Variants in NCLN observed in about 807,000 individuals in gnomAD.
The protein encoded by NCLN is nicalin, also known as BOS complex subunit NCLN.
A neutral mutation model predicts 69.5 loss-of-function variants in NCLN; 34 were observed. The ratio of observed to expected loss-of-function variants is 0.49; its 90% confidence interval spans 0.37 to 0.65. NCLN has a LOEUF of 0.65. Among genes scored for constraint, NCLN ranks in the 30% least tolerant of loss-of-function variants. The pLI is 0.00. For synonymous variants in NCLN, 393 were observed against 358.3 expected (o/e 1.10, Z -1.09); for missense variants, 710 against 804.8 (o/e 0.88, Z 1.42).
At position 3,185,950 on chromosome 19, in the gene NCLN, T is replaced by A; in HGVS notation, c.-81T>A. The A allele has an allele frequency of 1.7e-6, 2 of 1,165,484 alleles. No homozygotes were observed. Among genetic ancestry groups the A allele is most frequent in the Non-Finnish European group, 2.2e-6 (2 of 902,604 alleles). The allele number at this position is 1,165,484 out of a possible 1,614,324, so 72.2% of individuals were successfully genotyped here. A position where few individuals can be genotyped will look rare whatever the true frequency, so the allele number is the denominator to read the frequency against. On this transcript the variant is annotated 5_prime_UTR_variant, in exon 1 of 15. It removes an upstream start codon present in the reference 5' UTR. Coordinates refer to ENST00000246117, the MANE Select transcript of NCLN (RefSeq NM_020170.4). Reference sequence around the variant, plus strand: ...CCCGCAGGACCCCGGCGGCTACCCATGCCGAGGTGAGTCCGCGGGAGCCGC... The same window carrying A: ...CCCGCAGGACCCCGGCGGCTACCCAAGCCGAGGTGAGTCCGCGGGAGCCGC...
rs912511170 is a variant in NCLN at position 3,207,788 on chromosome 19, CA to C, written c.*101del. The stretch of plus-strand genomic sequence containing the variant: ...CCCGCCGCGGGCGGCCCTGCAGGGA[CA>C]GGGGCCCTCTCCCTCCCCGGCGGTG... On this transcript the variant is annotated 3_prime_UTR_variant, in exon 15 of 15. Transcript: ENST00000246117. 3 of 976,882 alleles carry C rather than the reference CA, an allele frequency of 3.1e-6. No homozygotes were observed. Among genetic ancestry groups the C allele is most frequent in the African/African-American group, 3.2e-5 (2 of 62,068 alleles). The allele number at this position is 976,882 out of a possible 1,614,324, so 60.5% of individuals were successfully genotyped here.
chr19:3,195,727 G>C (rs2144903760), intron 3 of NCLN, among the ~76,000 whole-genome samples: 1 of 152,206 alleles, frequency 6.6e-6, no homozygotes, highest in South Asian at 2.1e-4. Flanking sequence ...GGAGGTAGAG[G>C]CTGCAGTGAG....
chr19:3,189,535 T>C (rs986378131), intron 1 of NCLN, among the ~76,000 whole-genome samples: 2 of 152,204 alleles, frequency 1.3e-5, no homozygotes, highest in Non-Finnish European at 2.9e-5. Context: ...CCCCGATAGA[T>C]AGACAGGTGC....
rs1915665032 is a variant in NCLN, at chr19:3,186,196, C to T, written c.166C>T (p.Leu56=). 6 of 1,568,174 alleles carry T rather than the reference C, an allele frequency of 3.8e-6. No individual in the cohort carries two copies. Among genetic ancestry groups the T allele is most frequent in the African/African-American group, 1.4e-5 (1 of 70,946 alleles). Residue 56 remains leucine, a synonymous_variant, in exon 1 of 15, where the codon CTG becomes TTG. Transcript: ENST00000246117. ...CGTGTACCGCATGCAGCAGTACGAC[C>T]TGCAGGGCCAGCCCTACGGTGCGTG... ...FTVYRMQQYD[L]QGQPYGTRNA...
rs1280714242 is a variant in NCLN at position 3,206,155 on chromosome 19, A to G, written c.1300A>G (p.Thr434Ala). The change falls in exon 11 of 15, where the codon ACA becomes GCA. Residue 434 changes from threonine to alanine, a missense_variant. Thr to Ala is a moderately conservative substitution (Grantham distance 58). Transcript: ENST00000246117. ...CCATCCCCTCCTCTCTCCGCAGGGG[A>G]CACCCCCAGACATGCCGGTGTTCAC... The part of the protein sequence containing the change: ...RVIYNLTEKG[T>A]PPDMPVFTEQ... 7.5e-7 allele frequency: 1 copy of G among 1,326,976 alleles called. No homozygotes were observed. Among genetic ancestry groups the G allele is most frequent in the South Asian group, 1.3e-5 (1 of 76,022 alleles). 82.2% of individuals were successfully genotyped at this position (1,326,976 alleles called of 1,614,324 possible). A position where few individuals can be genotyped will look rare whatever the true frequency, so the allele number is the denominator to read the frequency against.
chr19:3,199,782 C>T (rs1682204211), intron 5 of NCLN, among the ~76,000 whole-genome samples: 1 of 148,032 alleles, frequency 6.8e-6, no homozygotes, highest in Non-Finnish European at 1.5e-5. Context: ...CTCACTGCAA[C>T]CTCTGCCTCC....
Position 3,206,377 on chromosome 19 carries a change from G to A in NCLN, c.1451G>A (p.Ser484Asn), listed in dbSNP as rs1184527677. ...TFLSTLEHHLSRYLKDVKQHH... is the reference protein window; with the variant it reads ...TFLSTLEHHLNRYLKDVKQHH... ...CTCAGCACGCTGGAGCACCACCTGA[G>A]CCGCTACCTGAAGGACGTGAAGCAG... The change falls in exon 12 of 15, where the codon AGC becomes AAC. Residue 484 changes from serine (S) to asparagine (N), a missense_variant. Ser to Asn is a conservative substitution (Grantham distance 46, BLOSUM62 1). Transcript: ENST00000246117. 2 of 1,548,274 alleles carry A rather than the reference G, an allele frequency of 1.3e-6. No homozygotes were observed. Among genetic ancestry groups the A allele is most frequent in the South Asian group, 1.2e-5 (1 of 83,984 alleles).
chr19:3,196,919 A>G (rs952267529), intron 4 of NCLN, among the ~76,000 whole-genome samples: 1 of 152,208 alleles, frequency 6.6e-6, no homozygotes, highest in Non-Finnish European at 1.5e-5. Context: ...GGGTTGCCTC[A>G]CTGTCGGGGG....
intron 1 of NCLN, among the ~76,000 whole-genome samples, chr19:3,188,397 T>C: frequency 6.6e-6 from 1 of 152,168 alleles, no homozygotes; most frequent in Non-Finnish European, 1.5e-5. Flanking sequence ...TGTCTCCCCG[T>C]TCCACGGCCA....
chr19:3,203,452 C>T (rs114835275), intron 6 of NCLN, among the ~76,000 whole-genome samples: 3,603 of 152,246 alleles, frequency 0.024, 144 homozygotes, highest in African/African-American at 0.082. Flanking sequence ...CGTGGGGTGG[C>T]CCTGCTGCCT....
chr19:3,199,211 C>T (rs561912173), intron 5 of NCLN, among the ~76,000 whole-genome samples: 1 of 152,352 alleles, frequency 6.6e-6, no homozygotes, highest in East Asian at 1.9e-4. Flanking sequence ...GAGGCCTCCT[C>T]GAGGCTGTGG....
intron 3 of NCLN, among the ~76,000 whole-genome samples, chr19:3,195,653 A>G (rs1237669874): frequency 6.6e-6 from 1 of 151,908 alleles, no homozygotes; most frequent in Non-Finnish European, 1.5e-5. Context: ...GGCCAGGCAC[A>G]GTGGCTCATT....
At position 3,204,695 on chromosome 19, in the gene NCLN, G is replaced by T; in HGVS notation, c.1152G>T (p.Thr384=). The change falls in exon 9 of 15, where the codon ACG becomes ACT. Residue 384 remains threonine (T), a synonymous_variant. Transcript: ENST00000246117. The part of the protein sequence containing the change: ...RFAIRRLPAF[T]LSHLESHRDG... ...CCATCCGCCGACTGCCCGCCTTCAC[G>T]CTGTCCCACCTGGAGAGCCACCGTG... 1.2e-6 allele frequency: 2 copies of T among 1,605,234 alleles called. No individual in the cohort carries two copies. Among genetic ancestry groups the T allele is most frequent in the Non-Finnish European group, 1.7e-6 (2 of 1,176,286 alleles).
At chr19:3,200,801 G>A (rs892221) in intron 5 of NCLN, among the ~76,000 whole-genome samples, 21,974 of 151,892 alleles carry the variant, frequency 0.14, 1,813 homozygotes, top group South Asian at 0.24. Flanking sequence ...CAGCATGTGC[G>A]CATCCGTCCC....
Position 3,186,164 on chromosome 19 carries a change from A to C in NCLN, c.134A>C (p.Glu45Ala). 6.3e-7 allele frequency: 1 copy of C among 1,595,998 alleles called. No individual in the cohort carries two copies. ...PPLPAADAAH[E>A]FTVYRMQQYD... is the part of the protein sequence containing the mutation. ...CTGCCTGCCGCCGACGCCGCGCACG[A>C]GTTCACCGTGTACCGCATGCAGCAG... Residue 45 changes from glutamate to alanine, a missense_variant, in exon 1 of 15, where the codon GAG (glutamate) becomes GCG (alanine). Physicochemically the swap from Glu to Ala is moderately radical, Grantham distance 107 (BLOSUM62 -1). Coordinates refer to ENST00000246117, the MANE Select transcript of NCLN (RefSeq NM_020170.4).
intron 6 of NCLN, among the ~76,000 whole-genome samples, chr19:3,201,884 C>T (rs558627069): frequency 1.1e-4 from 17 of 152,276 alleles, no homozygotes; most frequent in Admixed American, 2.6e-4. Flanking sequence ...GTGTTAGAGA[C>T]GCCCGGTTAA....
chr19:3,201,661 G>A (rs1323053725), intron 6 of NCLN, 35 bp downstream of exon 6: 40 of 1,366,334 alleles, frequency 2.9e-5, no homozygotes, highest in Non-Finnish European at 3.7e-5. Context: ...ATGGGGGTGC[G>A]GGGGCCACAC....
At chr19:3,194,245 C>T (rs527453) in intron 3 of NCLN, among the ~76,000 whole-genome samples, 77,573 of 151,992 alleles carry the variant, frequency 0.51, 20,499 homozygotes, top group East Asian at 0.91. Flanking sequence ...TAGCCGGGCG[C>T]GGTGGCAGGT....
chr19:3,190,152 G>T (rs1280121237), intron 1 of NCLN, among the ~76,000 whole-genome samples: 1 of 152,190 alleles, frequency 6.6e-6, no homozygotes, highest in African/African-American at 2.4e-5. Flanking sequence ...GGGGAGGGGT[G>T]CTCCCAGCAC....
Sources: gnomAD v4.1 joint callset for allele counts (sites outside exome capture counted in the v4.1 genomes callset) on GRCh38, gnomAD v4.1.1 for gene constraint, MANE v1.5 for transcripts, NCBI Gene and HGNC (gene_info 2026-07-23, HGNC 2026-07-21) for gene names.